The following ACCSL variants were observed in gnomAD, a reference collection of about 807,000 sequenced individuals.
ACCSL encodes 1-aminocyclopropane-1-carboxylate synthase homolog (inactive) like.
Under a neutral mutation model 61.7 loss-of-function variants are expected in ACCSL, and 55 were observed. The observed-to-expected ratio is 0.89, with a 90% confidence interval of 0.72 to 1.12. The LOEUF (loss-of-function observed/expected upper bound fraction) is 1.12, where lower values mean the gene tolerates loss of function less well. Among genes scored for constraint, ACCSL ranks in the 50% most tolerant of loss-of-function variants. The pLI is 0.00. For missense variants in ACCSL, 632 were observed against 698.0 expected (o/e 0.91, Z 1.07); for synonymous variants, 258 against 264.3 (o/e 0.98, Z 0.23).
rs1436621222 is a variant in ACCSL at position 44,053,594 on chromosome 11, G to T, written c.1049+88G>T. 4.8e-6 allele frequency: 6 copies of T among 1,243,888 alleles called. No homozygotes were observed. In the African/African-American group the frequency reaches 5.9e-5, roughly 12 times the overall value. The allele number at this position is 1,243,888 out of a possible 1,614,324, so 77.1% of individuals were successfully genotyped here. On this transcript the variant is annotated intron_variant, in intron 8 of 13. Transcript: ENST00000378832. The stretch of plus-strand genomic sequence containing the variant: ...CAAGTAATCAAGAGCCAGATCTGGT[G>T]GCACATGCCTGTAATCCCAGCACTT...
At chr11:44,012,781 A>T in the ACCSL span, among the ~76,000 whole-genome samples, 7 of 152,214 alleles carry the variant, frequency 4.6e-5, no homozygotes, top group Non-Finnish European at 1.5e-5. Context: ...TTAAAGTCCA[A>T]CAATAAGGAA....
the ACCSL span, among the ~76,000 whole-genome samples, chr11:44,009,996 G>C: frequency 6.6e-6 from 1 of 152,114 alleles, no homozygotes; most frequent in Non-Finnish European, 1.5e-5. Flanking sequence ...ACAACTGCTT[G>C]GTGTTGGAAG....
the ACCSL span, among the ~76,000 whole-genome samples, chr11:43,983,490 A>G: frequency 6.6e-6 from 1 of 152,170 alleles, no homozygotes; most frequent in Non-Finnish European, 1.5e-5. Flanking sequence ...AAGGGTAGGA[A>G]CGAAATTGGT....
the ACCSL span, among the ~76,000 whole-genome samples, chr11:44,016,820 G>A: frequency 6.6e-6 from 1 of 152,126 alleles, no homozygotes; most frequent in Non-Finnish European, 1.5e-5. Flanking sequence ...AAGACCACTG[G>A]ACATGGTGTC....
chr11:43,947,826 G>A, the ACCSL span, among the ~76,000 whole-genome samples: 1 of 152,126 alleles, frequency 6.6e-6, no homozygotes, highest in African/African-American at 2.4e-5. Context: ...AAGGGTTCCT[G>A]GATAATGGGG....
At chr11:44,002,013 T>A in the ACCSL span, among the ~76,000 whole-genome samples, 1 of 151,946 alleles carries the variant, frequency 6.6e-6, no homozygotes, top group Non-Finnish European at 1.5e-5. Flanking sequence ...GGAGGGGGCC[T>A]TGGAGTCAGC....
upstream of ACCSL, among the ~76,000 whole-genome samples, chr11:44,043,573 G>C (rs1174887035): frequency 6.7e-6 from 1 of 149,164 alleles, no homozygotes; most frequent in Non-Finnish European, 1.5e-5. Context: ...GTTAGCATTT[G>C]GACTTCTTGA....
chr11:43,976,663 T>C, the ACCSL span, among the ~76,000 whole-genome samples: 2 of 152,140 alleles, frequency 1.3e-5, no homozygotes, highest in Non-Finnish European at 2.9e-5. Flanking sequence ...CTCCATTTTC[T>C]GTGGAAGGGG....
the ACCSL span, among the ~76,000 whole-genome samples, chr11:44,000,435 T>C: frequency 2.5e-4 from 29 of 114,208 alleles, no homozygotes; most frequent in Admixed American, 1.4e-3. Context: ...CCTGTCTCTA[T>C]TTTAAAAAAA....
chr11:44,032,920 C>T, the ACCSL span, among the ~76,000 whole-genome samples: 167 of 152,278 alleles, frequency 1.1e-3, no homozygotes, highest in African/African-American at 3.5e-3. Flanking sequence ...GAGGGAGACG[C>T]GGGTGGAGAC....
chr11:44,052,652 G>A lies in ACCSL; in HGVS notation c.773-10G>A, dbSNP rs753995174. The stretch of plus-strand genomic sequence containing the variant: ...TTTGGACTGATAGCTCTGTCTCTCT[G>A]TGTTTCCAGAGGCCTTCCTGGTCCC... On this transcript the variant is annotated splice_polypyrimidine_tract_variant and intron_variant, in intron 5 of 13. Coordinates refer to ENST00000378832, the MANE Select transcript of ACCSL (RefSeq NM_001031854.2). 3 of 1,612,120 alleles carry A rather than the reference G, an allele frequency of 1.9e-6. No individual in the cohort carries two copies. The highest frequency in any genetic ancestry group is 2.2e-5 in the South Asian group (2 of 91,054).
chr11:44,002,559 C>A, the ACCSL span, among the ~76,000 whole-genome samples: 1 of 152,174 alleles, frequency 6.6e-6, no homozygotes, highest in Non-Finnish European at 1.5e-5. Context: ...CTCACTTCCC[C>A]AAGAGACCTG....
chr11:44,059,933 C>G lies in ACCSL; in HGVS notation c.*13C>G. On this transcript the variant is annotated 3_prime_UTR_variant, in exon 14 of 14. Transcript: ENST00000378832. The stretch of plus-strand genomic sequence containing the variant: ...AATGAGGGAGTAGGCCGTCTGCCTC[C>G]CAACCAGCAGTTCCAGCCCATCACT... 6.2e-7 allele frequency: 1 copy of G among 1,612,412 alleles called. No homozygotes were observed. Among genetic ancestry groups the G allele is most frequent in the South Asian group, 1.1e-5 (1 of 90,984 alleles).
chr11:43,927,091 A>T, the ACCSL span, among the ~76,000 whole-genome samples: 3 of 152,242 alleles, frequency 2.0e-5, no homozygotes, highest in Admixed American at 2.0e-4. Flanking sequence ...CTACACATTT[A>T]TGTGCTTTTT....
chr11:43,936,209 G>C, the ACCSL span, among the ~76,000 whole-genome samples: 2 of 152,156 alleles, frequency 1.3e-5, no homozygotes, highest in Non-Finnish European at 2.9e-5. Context: ...TCCACCCTTG[G>C]AGATATGATT....
the ACCSL span, among the ~76,000 whole-genome samples, chr11:43,972,204 G>A: frequency 2.4e-3 from 370 of 152,262 alleles, 1 homozygote; most frequent in South Asian, 7.3e-3. Context: ...AAGAATGAAG[G>A]TGCCATTGAT....
chr11:44,001,703 A>G, the ACCSL span, among the ~76,000 whole-genome samples: 3 of 151,558 alleles, frequency 2.0e-5, no homozygotes, highest in Non-Finnish European at 4.4e-5. Context: ...GAGGAATTAC[A>G]GAAAAGGAGG....
the ACCSL span, chr11:43,943,601 C>A: frequency 1.5e-6 from 2 of 1,308,524 alleles, no homozygotes; most frequent in South Asian, 2.5e-5. This position sits in a 1 kb window ranked among gnomAD's most constrained non-coding sequence, Gnocchi z 4.8. Flanking sequence ...ACTCCATGCC[C>A]TTGTCCGATG....
chr11:44,059,091 A>C (rs971520484), intron 13 of ACCSL, among the ~76,000 whole-genome samples: 2 of 151,984 alleles, frequency 1.3e-5, no homozygotes, highest in Non-Finnish European at 2.9e-5. Context: ...AAATACAAAA[A>C]ATTAGCCACG....
Sources: gnomAD v4.1 joint callset for allele counts (sites outside exome capture counted in the v4.1 genomes callset) on GRCh38, gnomAD v4.1.1 for gene constraint, Gnocchi (gnomAD v3.1) non-coding constraint, MANE v1.5 for transcripts, NCBI Gene and HGNC (gene_info 2026-07-23, HGNC 2026-07-21) for gene names.